Variants in CORO1C observed in about 807,000 individuals in gnomAD.
CORO1C encodes coronin 1C.
Under a neutral mutation model 51.2 loss-of-function variants are expected in CORO1C, and 14 were observed. That is an observed-to-expected ratio of 0.27 (90% CI 0.18 to 0.43). The LOEUF is 0.43. CORO1C is among the 20% of genes least tolerant of loss of function. The probability of loss-of-function intolerance (pLI) is 1.00; values close to 1 mark genes in which losing one functional copy is unlikely to be tolerated. For missense variants in CORO1C, 417 were observed against 607.8 expected, an observed-to-expected ratio of 0.69 and a Z score of 3.30; for synonymous variants, 181 against 210.5, an observed-to-expected ratio of 0.86 and a Z score of 1.21.
chr12:108,659,975 C>T (rs1330898155), intron 4 of CORO1C, among the ~76,000 whole-genome samples: 1 of 152,224 alleles, frequency 6.6e-6, no homozygotes, highest in East Asian at 1.9e-4. Context: ...AAGGGTCTGC[C>T]CCACGCCTCC....
At chr12:108,655,090 C>A (rs922404080) in intron 6 of CORO1C, among the ~76,000 whole-genome samples, 4 of 95,932 alleles carry the variant, frequency 4.2e-5, no homozygotes, top group African/African-American at 1.6e-4. Flanking sequence ...ACATAAAAAT[C>A]ATTCCATCAA....
chr12:108,684,692 C>A (rs1004121295), intron 2 of CORO1C, among the ~76,000 whole-genome samples: 1 of 151,830 alleles, frequency 6.6e-6, no homozygotes. Flanking sequence ...ATCTGTTATG[C>A]TTTATTACTT....
Position 108,657,309 on chromosome 12 carries a change from T to A in CORO1C, c.745A>T (p.Asn249Tyr). Residue 249 changes from asparagine (N) to tyrosine (Y), a missense_variant, in exon 6 of 11, where the codon AAT (asparagine) becomes TAT (tyrosine). Asn to Tyr is a moderately radical substitution (Grantham distance 143, BLOSUM62 -2). Coordinates refer to ENST00000261401, the MANE Select transcript of CORO1C (RefSeq NM_014325.4). ...AAAGCCTGGGGAGGGCGTACCGGAT[T>A]CCAGAGAGCCAGCTGCCGCTCGCTC... ...RMSERQLALWNPKNMQEPIAL... is the reference protein window; with the variant it reads ...RMSERQLALWYPKNMQEPIAL... The A allele has an allele frequency of 6.2e-7, 1 of 1,613,774 alleles. No homozygotes were observed. The highest frequency in any genetic ancestry group is 8.5e-7 in the Non-Finnish European group (1 of 1,179,816).
In CORO1C at chr12:108,654,413, G is replaced by A; in HGVS notation, c.751-3C>T. The stretch of plus-strand genomic sequence containing the variant: ...GCAATTGGTTCCTGCATATTTTTCT[G>A]GGGGGAAGATAATAATAATACATAT... On this transcript the variant is annotated splice_region_variant and splice_polypyrimidine_tract_variant and intron_variant, in intron 6 of 10. Transcript: ENST00000261401. The A allele has an allele frequency of 6.4e-7, 1 of 1,566,912 alleles. No homozygotes were observed. The highest frequency in any genetic ancestry group is 8.8e-7 in the Non-Finnish European group (1 of 1,137,982).
rs780319369 is a variant in CORO1C, at chr12:108,647,419, G to C, written c.1409C>G (p.Ala470Gly). 1 of 1,613,366 alleles carries C rather than the reference G, an allele frequency of 6.2e-7. No homozygotes were observed. Among genetic ancestry groups the C allele is most frequent in the Non-Finnish European group, 8.5e-7 (1 of 1,179,716 alleles). Residue 470 changes from alanine to glycine, a missense_variant, in exon 11 of 11, where the codon GCA becomes GGA. Physicochemically the swap from Ala to Gly is moderately conservative, Grantham distance 60. Transcript: ENST00000261401. ...GTGGGACCTTCAGGCTGCTATCTTT[G>C]CCATCTGCTGTTCTAACTTGGAAAT... ...ERISKLEQQM[A>G]KIAA
intron 1 of CORO1C, chr12:108,702,947 C>A (rs2136867450): frequency 6.5e-7 from 1 of 1,530,436 alleles, no homozygotes; most frequent in Non-Finnish European, 8.7e-7. Context: ...CAGGGCCATA[C>A]ATTTTGAGTC....
intron 1 of CORO1C, chr12:108,702,989 C>A: frequency 6.8e-7 from 1 of 1,478,722 alleles, no homozygotes; most frequent in Non-Finnish European, 9.0e-7. Context: ...TGATTCGTGG[C>A]CAGGGTCCTT....
At chr12:108,673,476 A>G (rs1416910038) in intron 3 of CORO1C, among the ~76,000 whole-genome samples, 1 of 152,234 alleles carries the variant, frequency 6.6e-6, no homozygotes, top group Non-Finnish European at 1.5e-5. Flanking sequence ...GCTGATGGAG[A>G]AGCTGCAGCA....
At chr12:108,672,678 G>C (rs1364742110) in intron 3 of CORO1C, among the ~76,000 whole-genome samples, 1 of 151,380 alleles carries the variant, frequency 6.6e-6, no homozygotes, top group Non-Finnish European at 1.5e-5. Context: ...TAAACAAATT[G>C]AAGCTTTTTA....
At chr12:108,685,529 G>C (rs1394464143) in intron 2 of CORO1C, among the ~76,000 whole-genome samples, 1 of 151,670 alleles carries the variant, frequency 6.6e-6, no homozygotes, top group Non-Finnish European at 1.5e-5. Context: ...CACAGAGAAA[G>C]TCAAGAAGCA....
intron 1 of CORO1C, among the ~76,000 whole-genome samples, chr12:108,706,263 T>C (rs2035029983): frequency 6.6e-6 from 1 of 150,378 alleles, no homozygotes; most frequent in South Asian, 2.1e-4. Flanking sequence ...CTCAAGAAAC[T>C]AGGAATAGAA....
rs1592923335 is a variant in CORO1C, at chr12:108,698,690, G to C, written c.195+2434C>G. ...CCAAAGTGCTGGGATTACAGGCATG[G>C]GCCACTGTGCCCGGCCAGAAAATAA... is the stretch of plus-strand genomic sequence containing the variant. On this transcript the variant is annotated intron_variant, in intron 2 of 10. Coordinates refer to ENST00000261401, the MANE Select transcript of CORO1C (RefSeq NM_014325.4). 3.3e-5 allele frequency among the ~76,000 whole-genome samples: 5 copies of C among 152,300 alleles called. 1 individual carries two copies. Among genetic ancestry groups the C allele is most frequent in the Admixed American group, 3.3e-4 (5 of 15,296 alleles).
chr12:108,690,949 C>T (rs973533768), intron 2 of CORO1C, among the ~76,000 whole-genome samples: 1 of 152,224 alleles, frequency 6.6e-6, no homozygotes, highest in Admixed American at 6.5e-5. Flanking sequence ...GATTGATCTA[C>T]TGAAACCCTC....
At chr12:108,712,913 T>A (rs1304268243) in intron 1 of CORO1C, among the ~76,000 whole-genome samples, 10 of 128,068 alleles carry the variant, frequency 7.8e-5, no homozygotes, top group South Asian at 2.5e-4. Context: ...CATGTCTCTT[T>A]AAAAAAAAAA....
Position 108,727,608 on chromosome 12 carries a change from A to T in CORO1C, c.-6+3821T>A, listed in dbSNP as rs372314024. Among the ~76,000 whole-genome samples the T allele has an allele frequency of 3.9e-5, 6 of 152,346 alleles. No individual in the cohort carries two copies. In the East Asian group the frequency reaches 9.6e-4, roughly 24 times the overall value. On this transcript the variant is annotated intron_variant, in intron 1 of 10. Transcript: ENST00000261401. ...TGATGAATCCTTTTTCATCTATAGCATACCTTAAAATATATTAATTCAAAC... is the reference window on the plus strand; with the variant it reads ...TGATGAATCCTTTTTCATCTATAGCTTACCTTAAAATATATTAATTCAAAC...
At chr12:108,655,532 G>A (rs1004053113) in intron 6 of CORO1C, among the ~76,000 whole-genome samples, 3 of 152,176 alleles carry the variant, frequency 2.0e-5, no homozygotes, top group African/African-American at 4.8e-5. Context: ...AGCGCGCACC[G>A]CCACGCCTGA....
rs550298649 is a variant in CORO1C, at chr12:108,646,440, C to T, written c.*963G>A. 1 of 152,400 alleles carries T rather than the reference C, an allele frequency of 6.6e-6. No individual in the cohort carries two copies. The highest frequency in any genetic ancestry group is 1.5e-5 in the Non-Finnish European group (1 of 68,086). The allele number at this position is 152,400 out of a possible 1,614,324, so 9.4% of individuals were successfully genotyped here. A position where few individuals can be genotyped will look rare whatever the true frequency, so the allele number is the denominator to read the frequency against. On this transcript the variant is annotated 3_prime_UTR_variant, in exon 11 of 11. Coordinates refer to ENST00000261401, the MANE Select transcript of CORO1C (RefSeq NM_014325.4). ...CTGCTGAAAAGGGCAAGAAGGAACA[C>T]TCAGCAGTACACGTCTTCCTGTCCT...
chr12:108,699,531 AC>A (rs2136863283), intron 2 of CORO1C, among the ~76,000 whole-genome samples: 1 of 152,348 alleles, frequency 6.6e-6, no homozygotes, highest in African/African-American at 2.4e-5. Context: ...CCAGTGTCTG[AC>A]CTTAGCTAAC....
chr12:108,710,614 G>A (rs1207788365), intron 1 of CORO1C, among the ~76,000 whole-genome samples: 9 of 150,886 alleles, frequency 6.0e-5, no homozygotes, highest in African/African-American at 2.0e-4. Flanking sequence ...CACCAGGCTG[G>A]AGTGCAGTGG....
Sources: gnomAD v4.1 joint callset for allele counts (sites outside exome capture counted in the v4.1 genomes callset) on GRCh38, gnomAD v4.1.1 for gene constraint, MANE v1.5 for transcripts, NCBI Gene and HGNC (gene_info 2026-07-23, HGNC 2026-07-21) for gene names.